The following SYT8 variants were observed in gnomAD, a reference collection of about 807,000 sequenced individuals.
SYT8 encodes the protein synaptotagmin-8.
In SYT8, 50 loss-of-function variants were observed where a neutral mutation model predicts 34.9. The ratio of observed to expected loss-of-function variants is 1.43; its 90% CI spans 1.14 to 1.81. The LOEUF (loss-of-function observed/expected upper bound fraction) is 1.81, where lower values mean the gene tolerates loss of function less well. SYT8 is among the 40% of genes most tolerant of loss of function. The pLI is 0.00. For missense variants in SYT8, 595 were observed against 529.0 expected (o/e 1.12, Z -1.22); for synonymous variants, 255 against 234.2 (o/e 1.09, Z -0.81).
chr11:1,832,095 C>T (rs1316905371), upstream of SYT8, among the ~76,000 whole-genome samples: 2 of 152,224 alleles, frequency 1.3e-5, no homozygotes, highest in East Asian at 1.9e-4. Flanking sequence ...GGGCTCACCC[C>T]CGTTCTGCCT....
intron 5 of SYT8, 52 bp from the exon 6 acceptor site, chr11:1,836,704 C>A: frequency 6.3e-7 from 1 of 1,596,774 alleles, no homozygotes. Flanking sequence ...GTCTGAGCCC[C>A]AACTCGGCCA....
rs369083931 is a variant in SYT8 at position 1,837,375 on chromosome 11, C to T, written c.1108C>T (p.Arg370Cys). Residue 370 changes from arginine (R) to cysteine (C), a missense_variant, in exon 8 of 8, where the codon CGC (arginine) becomes TGC (cysteine). Transcript: ENST00000341958. ...CCTGCGGCCAGCCAGGGAGGTGGAC[C>T]GCATGCTGGCCCTGCAGCCCCGCCT... ...HPLRPAREVD[R>C]MLALQPRLRL... The T allele has an allele frequency of 1.8e-5, 29 of 1,599,116 alleles. No homozygotes were observed. Among genetic ancestry groups the T allele is most frequent in the South Asian group, 4.4e-5 (4 of 90,844 alleles).
upstream of SYT8, among the ~76,000 whole-genome samples, chr11:1,833,240 C>T (rs1846734103): frequency 6.6e-6 from 1 of 152,124 alleles, no homozygotes; most frequent in Non-Finnish European, 1.5e-5. Context: ...GGAGTGTCCC[C>T]CAGGAGCTGA....
upstream of SYT8, chr11:1,834,958 C>T: frequency 2.6e-6 from 2 of 771,466 alleles, no homozygotes; most frequent in South Asian, 3.4e-5. The surrounding 1 kb of genome is among the most constrained non-coding windows in gnomAD (Gnocchi z 4.5). Flanking sequence ...ACCCTCGCCC[C>T]TGGCCACCCC....
At chr11:1,834,378 C>T (rs1189330790), upstream of SYT8, 4 of 624,446 alleles carry the variant, frequency 6.4e-6, no homozygotes, top group Non-Finnish European at 1.1e-5. This position sits in a 1 kb window ranked among gnomAD's most constrained non-coding sequence, Gnocchi z 4.5. Context: ...GTTCTGGCCG[C>T]TCCCAGCTGC....
chr11:1,835,351 C>A lies in SYT8; in HGVS notation c.150C>A (p.Ser50=). Reference sequence around the variant, plus strand: ...TTGCCGCGGGCGTCCTCCTCGTCTCCTGCCTCCTCTGTGCTGCCTGCTGCT... The same window carrying A: ...TTGCCGCGGGCGTCCTCCTCGTCTCATGCCTCCTCTGTGCTGCCTGCTGCT... The part of the protein sequence containing the change: ...GALAAGVLLV[S]CLLCAACCCC... The change falls in exon 2 of 8, where the codon TCC becomes TCA. Residue 50 remains serine, a synonymous_variant. Transcript: ENST00000341958. The A allele has an allele frequency of 6.2e-7, 1 of 1,605,816 alleles. No individual in the cohort carries two copies. Among genetic ancestry groups the A allele is most frequent in the Non-Finnish European group, 8.5e-7 (1 of 1,177,916 alleles).
intron 2 of SYT8, 131 bp downstream of exon 2, chr11:1,835,590 C>T: frequency 9.0e-7 from 1 of 1,115,258 alleles, no homozygotes; most frequent in East Asian, 2.6e-5. Flanking sequence ...TGAGGACCTT[C>T]CTGGCAGGGA....
At chr11:1,834,775 G>A, upstream of SYT8, 1 of 754,708 alleles carries the variant, frequency 1.3e-6, no homozygotes, top group Non-Finnish European at 2.2e-6. This position sits in a 1 kb window ranked among gnomAD's most constrained non-coding sequence, Gnocchi z 4.5. Context: ...CTACAGTGGG[G>A]GCAAGGGTGC....
At chr11:1,831,823 G>T, upstream of SYT8, 1 of 454,504 alleles carries the variant, frequency 2.2e-6, no homozygotes, top group Non-Finnish European at 4.4e-6. Flanking sequence ...TGCTGTCCGA[G>T]AGCTGGACCC....
At position 1,835,732 on chromosome 11, in the gene SYT8, C is replaced by G. The variant is rs937799146; in HGVS notation, c.259-154C>G. 4 of 795,412 alleles carry G rather than the reference C, an allele frequency of 5.0e-6. No homozygotes were observed. In the African/African-American group the frequency reaches 5.3e-5, roughly 10 times the overall value. The allele number at this position is 795,412 out of a possible 1,614,324, so 49.3% of individuals were successfully genotyped here. On this transcript the variant is annotated intron_variant, in intron 2 of 7. Transcript: ENST00000341958. ...CACGTTTTGGGTGGGTTTGGCCGGT[C>G]TCACAGAGCGAAGCCGACGATTTGT...
At chr11:1,834,573 T>C (rs775000931), upstream of SYT8, 8 of 1,581,836 alleles carry the variant, frequency 5.1e-6, no homozygotes, top group Non-Finnish European at 6.9e-6. This position sits in a 1 kb window ranked among gnomAD's most constrained non-coding sequence, Gnocchi z 4.5. Context: ...GCAGTGAACA[T>C]GCTCCACCTG....
rs752958595 is a variant in SYT8, at chr11:1,836,243, G to C, written c.475G>C (p.Gly159Arg). Residue 159 changes from glycine (G) to arginine (R), a missense_variant, in exon 4 of 8, where the codon GGC (glycine) becomes CGC (arginine). Coordinates refer to ENST00000341958, the MANE Select transcript of SYT8 (RefSeq NM_001394072.1). ...CAGACATGAGACAAAAGTGCACCGA[G>C]GCACGCTCTGCCCCGTGTTTGACGA... is the stretch of plus-strand genomic sequence containing the variant. Reference protein sequence around the residue: ...GHRHETKVHRGTLCPVFDETC... With the variant: ...GHRHETKVHRRTLCPVFDETC... 1 of 1,588,062 alleles carries C rather than the reference G, an allele frequency of 6.3e-7. No homozygotes were observed. Among genetic ancestry groups the C allele is most frequent in the Admixed American group, 1.8e-5 (1 of 56,622 alleles).
chr11:1,835,501 G>C (rs763271387), intron 2 of SYT8, 42 bp downstream of exon 2: 2 of 1,602,868 alleles, frequency 1.2e-6, no homozygotes, highest in East Asian at 4.5e-5. Flanking sequence ...GAGAGGGCTT[G>C]AAATCCAGGC....
Position 1,837,414 on chromosome 11 carries a change from C to T in SYT8, c.1147C>T (p.Pro383Ser). 6.2e-7 allele frequency: 1 copy of T among 1,605,694 alleles called. No individual in the cohort carries two copies. The highest frequency in any genetic ancestry group is 1.3e-5 in the African/African-American group (1 of 75,032). ...GCAGCCCCGCCTTCGCCTGCGCCTG[C>T]CCTTGCCCCACTCCTGAATGCACCA... ...ALQPRLRLRL[P>S]LPHS The change falls in exon 8 of 8, where the codon CCC becomes TCC. Residue 383 changes from proline to serine, a missense_variant. Coordinates refer to ENST00000341958, the MANE Select transcript of SYT8 (RefSeq NM_001394072.1).
intron 2 of SYT8, 75 bp downstream of exon 2, chr11:1,835,534 C>T (rs778792662): frequency 5.8e-6 from 9 of 1,542,638 alleles, no homozygotes; most frequent in East Asian, 2.3e-5. Context: ...GGCAGCGAGG[C>T]GAGTTCAGCC....
Position 1,836,232 on chromosome 11 carries a change from A to G in SYT8, c.464A>G (p.Lys155Arg), listed in dbSNP as rs1319702916. Reference protein sequence around the residue: ...STQAGHRHETKVHRGTLCPVF... With the variant: ...STQAGHRHETRVHRGTLCPVF... The stretch of plus-strand genomic sequence containing the variant: ...CAGGCCGGACACAGACATGAGACAA[A>G]AGTGCACCGAGGCACGCTCTGCCCC... Residue 155 changes from lysine (K) to arginine (R), a missense_variant, in exon 4 of 8, where the codon AAA (lysine) becomes AGA (arginine). Physicochemically the swap from Lys to Arg is conservative, Grantham distance 26. Coordinates refer to ENST00000341958, the MANE Select transcript of SYT8 (RefSeq NM_001394072.1). 6.3e-7 allele frequency: 1 copy of G among 1,593,962 alleles called. No individual in the cohort carries two copies. Among genetic ancestry groups the G allele is most frequent in the African/African-American group, 1.3e-5 (1 of 74,208 alleles).
rs201823358 is a variant in SYT8 at position 1,837,100 on chromosome 11, C to G, written c.924+10C>G. On this transcript the variant is annotated intron_variant, in intron 7 of 7. Coordinates refer to ENST00000341958, the MANE Select transcript of SYT8 (RefSeq NM_001394072.1). ...CTTCAGCCAGGTCCAGGTGGGCCAC[C>G]GGGAGGCAGGGGCAGAGCGAGACCC... 2.5e-6 allele frequency: 4 copies of G among 1,612,998 alleles called. No individual in the cohort carries two copies. The East Asian group carries it at 6.7e-5, about 27-fold the overall frequency.
chr11:1,835,831 G>A, intron 2 of SYT8, 55 bp from the exon 3 acceptor site: 8 of 1,481,788 alleles, frequency 5.4e-6, no homozygotes, highest in Admixed American at 1.7e-5. Context: ...GGAGCCCAGG[G>A]CTCTGATGAG....
intron 2 of SYT8, 141 bp downstream of exon 2, chr11:1,835,600 A>G (rs1589788710): frequency 9.8e-7 from 1 of 1,023,498 alleles, no homozygotes. Context: ...CCTGGCAGGG[A>G]AAGTGGGTGA....
Sources: allele counts gnomAD v4.1 joint callset (sites outside exome capture counted in the v4.1 genomes callset), GRCh38; gene constraint gnomAD v4.1.1; non-coding constraint Gnocchi (gnomAD v3.1); transcripts MANE v1.5; gene names NCBI Gene and HGNC (gene_info 2026-07-23, HGNC 2026-07-21).